Variants in RAB3C observed in about 807,000 individuals in gnomAD.
RAB3C encodes the protein ras-related protein Rab-3C.
RAB3C carries 17 observed loss-of-function variants against 26.4 expected under a neutral mutation model. The observed-to-expected ratio is 0.64, with a 90% CI of 0.44 to 0.97. The LOEUF (loss-of-function observed/expected upper bound fraction) is 0.97, where lower values mean the gene tolerates loss of function less well. Among genes scored for constraint, RAB3C ranks in the 50% least tolerant of loss-of-function variants. The probability of loss-of-function intolerance (pLI) is 0.00; values close to 1 mark genes in which losing one functional copy is unlikely to be tolerated. For missense variants in RAB3C, 242 were observed against 281.9 expected, an observed-to-expected ratio of 0.86 and a Z score of 1.01; for synonymous variants, 91 against 95.9, an observed-to-expected ratio of 0.95 and a Z score of 0.30.
chr5:58,747,689 A>ATAT (rs1254785555), intron 3 of RAB3C, among the ~76,000 whole-genome samples: 1 of 151,708 alleles, frequency 6.6e-6, no homozygotes, highest in Non-Finnish European at 1.5e-5. Context: ...CAAACCACCT[A>ATAT]TATTATTATT....
chr5:58,699,389 G>C (rs952234332), intron 2 of RAB3C, among the ~76,000 whole-genome samples: 6 of 152,188 alleles, frequency 3.9e-5, no homozygotes, highest in African/African-American at 1.4e-4. Context: ...ACCCCTACTG[G>C]GAGGTGTCCT....
upstream of RAB3C, chr5:58,582,356 T>C: frequency 1.0e-6 from 1 of 982,812 alleles, no homozygotes; most frequent in Non-Finnish European, 1.2e-6. Context: ...TAACCTCCTT[T>C]GTAGCGAGGG....
intron 3 of RAB3C, among the ~76,000 whole-genome samples, chr5:58,783,824 C>T (rs968893560): frequency 5.3e-5 from 8 of 152,122 alleles, no homozygotes; most frequent in Admixed American, 2.0e-4. Flanking sequence ...CTAAGCAAAC[C>T]AGGAACCTTG....
chr5:58,783,197 G>A (rs867159083), intron 3 of RAB3C, among the ~76,000 whole-genome samples: 8 of 152,060 alleles, frequency 5.3e-5, no homozygotes, highest in African/African-American at 1.7e-4. Context: ...AAGCACAAAT[G>A]CTCCCCAATC....
At chr5:58,754,011 C>T (rs1741591716) in intron 3 of RAB3C, among the ~76,000 whole-genome samples, 1 of 152,026 alleles carries the variant, frequency 6.6e-6, no homozygotes, top group Admixed American at 6.6e-5. Context: ...CTGCTTTCAG[C>T]TTGGGGTCGG....
At chr5:58,710,661 G>A (rs906490037) in intron 2 of RAB3C, among the ~76,000 whole-genome samples, 1 of 151,258 alleles carries the variant, frequency 6.6e-6, no homozygotes, top group Non-Finnish European at 1.5e-5. Context: ...TTAAAAAAGA[G>A]AAGCTTTTCC....
At chr5:58,839,010 A>G (rs1255446947) in intron 4 of RAB3C, among the ~76,000 whole-genome samples, 3 of 151,988 alleles carry the variant, frequency 2.0e-5, no homozygotes, top group African/African-American at 4.8e-5. Context: ...AACTGCTGCA[A>G]GTATAGCTAT....
At chr5:58,680,845 A>G (rs941606716) in intron 2 of RAB3C, among the ~76,000 whole-genome samples, 25 of 152,184 alleles carry the variant, frequency 1.6e-4, no homozygotes, top group Admixed American at 1.6e-3. Context: ...ACATCTTCTA[A>G]AGACCTCTTG....
intron 2 of RAB3C, among the ~76,000 whole-genome samples, chr5:58,725,180 T>C (rs962321713): frequency 1.3e-5 from 2 of 151,888 alleles, no homozygotes; most frequent in African/African-American, 4.8e-5. Context: ...CCTTCATAGA[T>C]AAAGGATATT....
chr5:58,638,058 C>T (rs1294470058), intron 2 of RAB3C, among the ~76,000 whole-genome samples: 3 of 151,656 alleles, frequency 2.0e-5, no homozygotes, highest in East Asian at 3.9e-4. Context: ...GTATAAATAC[C>T]TCTTTGGGTG....
At chr5:58,623,937 G>A (rs762470246) in intron 2 of RAB3C, among the ~76,000 whole-genome samples, 13 of 152,090 alleles carry the variant, frequency 8.5e-5, no homozygotes, top group Admixed American at 4.6e-4. Context: ...CCTCGTTTAT[G>A]TAGTGGGGGG....
intron 3 of RAB3C, among the ~76,000 whole-genome samples, chr5:58,744,813 ATTTG>A (rs1303698237): frequency 2.0e-5 from 3 of 152,146 alleles, no homozygotes; most frequent in Non-Finnish European, 2.9e-5. Flanking sequence ...CCAACAAGGG[ATTTG>A]TTTATTTGTT....
chr5:58,630,035 A>G (rs139512277), intron 2 of RAB3C, among the ~76,000 whole-genome samples: 10 of 152,288 alleles, frequency 6.6e-5, no homozygotes, highest in African/African-American at 1.4e-4. Context: ...GGTGTTGTCT[A>G]TTTGTACGTT....
intron 4 of RAB3C, among the ~76,000 whole-genome samples, chr5:58,833,671 A>G (rs537614239): frequency 6.6e-6 from 1 of 152,224 alleles, no homozygotes. Flanking sequence ...CATCCAGAAA[A>G]GTCAGAGAGT....
At chr5:58,810,385 C>CTCTGTG (rs879294409) in intron 3 of RAB3C, among the ~76,000 whole-genome samples, 74 of 147,008 alleles carry the variant, frequency 5.0e-4, no homozygotes, top group South Asian at 1.3e-3. Flanking sequence ...CTCTCTCTCT[C>CTCTGTG]TGTGTGTGTG....
intron 3 of RAB3C, among the ~76,000 whole-genome samples, chr5:58,821,995 T>C (rs1743351718): frequency 9.7e-6 from 1 of 103,296 alleles, no homozygotes; most frequent in African/African-American, 4.0e-5. Flanking sequence ...GTTACAAATC[T>C]GTTTTTTTTC....
chr5:58,669,577 G>A (rs1748070836), intron 2 of RAB3C, among the ~76,000 whole-genome samples: 1 of 152,180 alleles, frequency 6.6e-6, no homozygotes. Context: ...GAAGGCAGTA[G>A]TTTAGGTGTG....
At chr5:58,807,269 C>G (rs138736941) in intron 3 of RAB3C, among the ~76,000 whole-genome samples, 23 of 152,280 alleles carry the variant, frequency 1.5e-4, no homozygotes, top group African/African-American at 5.5e-4. Context: ...ACCTTTCTGA[C>G]TGAAGGTGAT....
chr5:58,700,031 A>T (rs1003005382), intron 2 of RAB3C, among the ~76,000 whole-genome samples: 2 of 152,020 alleles, frequency 1.3e-5, no homozygotes, highest in African/African-American at 4.8e-5. Context: ...TGCAGAAATC[A>T]CCCATCTTCT....
Sources: gnomAD v4.1 joint callset for allele counts (sites outside exome capture counted in the v4.1 genomes callset) on GRCh38, gnomAD v4.1.1 for gene constraint, MANE v1.5 for transcripts, NCBI Gene and HGNC (gene_info 2026-07-23, HGNC 2026-07-21) for gene names.